The following CPNE4 variants were observed in gnomAD, a reference collection of about 807,000 sequenced individuals.
CPNE4 encodes copine-4.
Under a neutral mutation model 67.9 loss-of-function variants are expected in CPNE4, and 25 were observed. The ratio of observed to expected loss-of-function variants is 0.37; its 90% CI spans 0.27 to 0.51. The LOEUF is 0.51. Among genes scored for constraint, CPNE4 ranks in the 20% least tolerant of loss-of-function variants. The probability of loss-of-function intolerance (pLI) is 0.93; values close to 1 mark genes in which losing one functional copy is unlikely to be tolerated. For synonymous variants in CPNE4, 242 were observed against 244.9 expected, an observed-to-expected ratio of 0.99 and a Z score of 0.11; for missense variants, 464 against 690.8, an observed-to-expected ratio of 0.67 and a Z score of 3.68.
chr3:131,535,125 A>G lies in CPNE4; in HGVS notation c.*70T>C. The G allele has an allele frequency of 7.0e-7, 1 of 1,437,544 alleles. No homozygotes were observed. Among genetic ancestry groups the G allele is most frequent in the Non-Finnish European group, 9.4e-7 (1 of 1,061,024 alleles). 89.0% of individuals were successfully genotyped at this position (1,437,544 alleles called of 1,614,324 possible). ...TGTTGGTTTTTTAAAGTACAGGAGT[A>G]GTAGAAGTATTAAATATGAAATATT... is the stretch of plus-strand genomic sequence containing the variant. On this transcript the variant is annotated 3_prime_UTR_variant, in exon 16 of 16. Transcript: ENST00000429747.
chr3:131,927,549 G>A (rs1002830417), intron 1 of CPNE4, among the ~76,000 whole-genome samples: 12 of 151,876 alleles, frequency 7.9e-5, no homozygotes, highest in African/African-American at 1.5e-4. Context: ...GGAGGTCAAG[G>A]GTATACCTTT....
intron 7 of CPNE4, among the ~76,000 whole-genome samples, chr3:131,597,172 G>T (rs1023760112): frequency 6.6e-6 from 1 of 152,018 alleles, no homozygotes; most frequent in Admixed American, 6.6e-5. Context: ...AGAACAGAGG[G>T]GTTAACCAAC....
intron 15 of CPNE4, among the ~76,000 whole-genome samples, chr3:131,540,367 T>G (rs1156476710): frequency 3.9e-5 from 6 of 152,230 alleles, no homozygotes; most frequent in Non-Finnish European, 8.8e-5. Flanking sequence ...GGGCAGGTCA[T>G]GAAATACAGA....
At chr3:131,951,952 G>A (rs1274273992) in intron 1 of CPNE4, among the ~76,000 whole-genome samples, 3 of 152,294 alleles carry the variant, frequency 2.0e-5, no homozygotes, top group African/African-American at 7.2e-5. Flanking sequence ...GCCTCCCAAA[G>A]TGCCAAGATT....
At chr3:131,914,938 T>G (rs567384287) in intron 1 of CPNE4, among the ~76,000 whole-genome samples, 3 of 152,306 alleles carry the variant, frequency 2.0e-5, no homozygotes, top group Non-Finnish European at 4.4e-5. Context: ...ATTGCGCCAC[T>G]GCACTCCAGC....
intron 2 of CPNE4, among the ~76,000 whole-genome samples, chr3:131,855,059 CA>C (rs1321036766): frequency 1.3e-5 from 2 of 151,960 alleles, no homozygotes; most frequent in Non-Finnish European, 2.9e-5. Flanking sequence ...AAGCCAGATT[CA>C]AGAGAAAGTA....
At chr3:131,695,856 C>A (rs2081143718) in intron 5 of CPNE4, among the ~76,000 whole-genome samples, 1 of 152,178 alleles carries the variant, frequency 6.6e-6, no homozygotes, top group South Asian at 2.1e-4. Context: ...CTTACCAGGA[C>A]ACACTATTAT....
At chr3:131,904,591 CTT>C (rs1162209769) in intron 2 of CPNE4, among the ~76,000 whole-genome samples, 1 of 152,106 alleles carries the variant, frequency 6.6e-6, no homozygotes, top group Non-Finnish European at 1.5e-5. Flanking sequence ...GGACTTCAGT[CTT>C]TGTCCCTACT....
At chr3:131,861,762 T>C (rs987463676) in intron 2 of CPNE4, among the ~76,000 whole-genome samples, 3 of 152,014 alleles carry the variant, frequency 2.0e-5, no homozygotes, top group African/African-American at 7.2e-5. Context: ...AAAGGAGAAA[T>C]AAGAATATAT....
intron 1 of CPNE4, among the ~76,000 whole-genome samples, chr3:131,952,558 C>A (rs1372706538): frequency 8.1e-6 from 1 of 123,880 alleles, no homozygotes; most frequent in African/African-American, 2.8e-5. Context: ...CCACCCCATC[C>A]GGGAGGGAGG....
intron 3 of CPNE4, among the ~76,000 whole-genome samples, chr3:131,700,500 C>T (rs975857618): frequency 1.3e-5 from 2 of 152,120 alleles, no homozygotes; most frequent in African/African-American, 4.8e-5. Flanking sequence ...GAAGTAATTG[C>T]GGTTCTCTTC....
At chr3:131,949,210 G>T (rs2071647829) in intron 1 of CPNE4, among the ~76,000 whole-genome samples, 1 of 152,100 alleles carries the variant, frequency 6.6e-6, no homozygotes, top group African/African-American at 2.4e-5. Flanking sequence ...ACATAAAGAA[G>T]CCCACTTACC....
chr3:131,860,415 A>C (rs1237541879), intron 2 of CPNE4, among the ~76,000 whole-genome samples: 2 of 152,218 alleles, frequency 1.3e-5, no homozygotes, highest in African/African-American at 4.8e-5. Flanking sequence ...GCTATAAAAC[A>C]CAACAAAGAA....
At chr3:131,535,588 T>G (rs4241351) in intron 15 of CPNE4, among the ~76,000 whole-genome samples, 31,424 of 152,172 alleles carry the variant, frequency 0.21, 4,058 homozygotes, top group East Asian at 0.48. Context: ...GATGGGAGAA[T>G]GAATTGTTCT....
intron 2 of CPNE4, among the ~76,000 whole-genome samples, chr3:131,750,914 G>A (rs1389536422): frequency 6.6e-6 from 1 of 151,974 alleles, no homozygotes; most frequent in East Asian, 1.9e-4. Context: ...TATTTTCACT[G>A]GGTATAGGAT....
chr3:131,972,183 G>A (rs2072521235), intron 1 of CPNE4, among the ~76,000 whole-genome samples: 1 of 152,158 alleles, frequency 6.6e-6, no homozygotes, highest in Non-Finnish European at 1.5e-5. Context: ...AGTAAATGCT[G>A]TTCTTTCAGA....
chr3:131,774,270 A>G (rs946260289), intron 2 of CPNE4, among the ~76,000 whole-genome samples: 1 of 152,158 alleles, frequency 6.6e-6, no homozygotes, highest in African/African-American at 2.4e-5. Context: ...AGTTCCAGCC[A>G]AAAATACAGC....
intron 1 of CPNE4, among the ~76,000 whole-genome samples, chr3:132,001,572 AAAGAAAG>A (rs1444131060): frequency 2.0e-5 from 3 of 147,986 alleles, no homozygotes; most frequent in African/African-American, 7.6e-5. Flanking sequence ...AGAAAGAAAG[AAAGAAAG>A]AAAGAAAGAA....
intron 1 of CPNE4, among the ~76,000 whole-genome samples, chr3:132,008,400 C>T (rs2073661847): frequency 1.3e-5 from 2 of 152,130 alleles, no homozygotes; most frequent in South Asian, 4.1e-4. Context: ...ACTTCTAATA[C>T]ATTATTTCTA....
Sources: gnomAD v4.1 joint callset for allele counts (sites outside exome capture counted in the v4.1 genomes callset) on GRCh38, gnomAD v4.1.1 for gene constraint, MANE v1.5 for transcripts, NCBI Gene and HGNC (gene_info 2026-07-23, HGNC 2026-07-21) for gene names.